Variants in ZNRF3 observed in about 807,000 individuals in gnomAD.
The protein encoded by ZNRF3 is E3 ubiquitin-protein ligase ZNRF3.
A neutral mutation model predicts 72.5 loss-of-function variants in ZNRF3; 23 were observed. That is an observed-to-expected ratio of 0.32 (90% CI 0.23 to 0.45). The LOEUF (loss-of-function observed/expected upper bound fraction) is 0.45. Among genes scored for constraint, ZNRF3 ranks in the 20% least tolerant of loss-of-function variants. The pLI, the probability that ZNRF3 is intolerant of heterozygous loss-of-function variation, is 1.00. For missense variants in ZNRF3, 1,169 were observed against 1,272.1 expected, an observed-to-expected ratio of 0.92 and a Z score of 1.23; for synonymous variants, 610 against 545.3, an observed-to-expected ratio of 1.12 and a Z score of -1.65.
chr22:28,945,385 C>T (rs1038614101), intron 1 of ZNRF3, among the ~76,000 whole-genome samples: 1 of 151,866 alleles, frequency 6.6e-6, no homozygotes, highest in Non-Finnish European at 1.5e-5. Context: ...AGCAATGTGT[C>T]ATATGATCGT....
chr22:28,933,004 A>G (rs1446178280), intron 1 of ZNRF3, among the ~76,000 whole-genome samples: 1 of 152,232 alleles, frequency 6.6e-6, no homozygotes, highest in Non-Finnish European at 1.5e-5. Context: ...AAGATTGCCA[A>G]GGTTTGTATT....
At chr22:29,023,473 A>G (rs532286966) in intron 2 of ZNRF3, among the ~76,000 whole-genome samples, 12 of 152,314 alleles carry the variant, frequency 7.9e-5, no homozygotes, top group African/African-American at 2.9e-4. Flanking sequence ...TTTGTCCCCC[A>G]GCATGAGGAC....
intron 1 of ZNRF3, among the ~76,000 whole-genome samples, chr22:28,887,346 A>G (rs1373986900): frequency 6.6e-6 from 1 of 151,712 alleles, no homozygotes; most frequent in Non-Finnish European, 1.5e-5. Context: ...GTACCTGTTC[A>G]GTCATTTCCA....
chr22:29,042,729 A>G (rs2036987687), intron 3 of ZNRF3, among the ~76,000 whole-genome samples, 160 bp downstream of exon 3: 2 of 151,970 alleles, frequency 1.3e-5, no homozygotes, highest in African/African-American at 4.8e-5. Flanking sequence ...CAAAGGAGGT[A>G]TACTGGGCGA....
intron 1 of ZNRF3, among the ~76,000 whole-genome samples, chr22:28,946,501 G>A (rs755627810): frequency 2.0e-5 from 3 of 152,212 alleles, no homozygotes; most frequent in East Asian, 1.9e-4. Flanking sequence ...TGACTTACTA[G>A]TATTTGGGAA....
intron 3 of ZNRF3, 60 bp downstream of exon 3, chr22:29,042,629 G>T: frequency 8.0e-6 from 12 of 1,493,798 alleles, no homozygotes; most frequent in South Asian, 1.1e-5. Flanking sequence ...TTCCTTTAGT[G>T]AGCTTGGCTT....
At chr22:28,941,260 C>T (rs1483842813) in intron 1 of ZNRF3, among the ~76,000 whole-genome samples, 2 of 152,068 alleles carry the variant, frequency 1.3e-5, no homozygotes, top group Admixed American at 1.3e-4. Flanking sequence ...GGCTGTAAGT[C>T]ATCTGGAGTA....
intron 2 of ZNRF3, among the ~76,000 whole-genome samples, chr22:29,039,703 TTGGGAGGCCGGAA>T (rs1425883072): frequency 2.0e-5 from 3 of 150,700 alleles, no homozygotes; most frequent in Admixed American, 1.3e-4. Flanking sequence ...TCTCAGCACT[TTGGGAGGCCGGAA>T]TGGGAGGATC....
intron 1 of ZNRF3, among the ~76,000 whole-genome samples, chr22:28,973,680 C>T (rs1422020939): frequency 6.6e-6 from 1 of 152,086 alleles, no homozygotes; most frequent in East Asian, 1.9e-4. Context: ...TTGAGAATCC[C>T]CTTCTCAGAA....
In ZNRF3 at chr22:29,049,993, C is replaced by G. The variant is rs1337048096; in HGVS notation, c.1812C>G (p.Pro604=). Residue 604 remains proline (P), a synonymous_variant, in exon 8 of 9, where the codon CCC becomes CCG. Transcript: ENST00000544604. This position sits in a 1 kb window ranked among gnomAD's most constrained non-coding sequence, Gnocchi z 5.2. The part of the protein sequence containing the change: ...YDPFIYRSRS[P]CRASEAGGSG... ...CCTTCATCTACCGCAGCCGGAGCCC[C>G]TGTCGTGCCAGTGAGGCGGGGGGCT... 4 of 1,612,276 alleles carry G rather than the reference C, an allele frequency of 2.5e-6. No individual in the cohort carries two copies. In the Middle Eastern group the frequency reaches 5.0e-4, roughly 200 times the overall value.
chr22:28,883,594 A>G lies in ZNRF3; in HGVS notation c.-173A>G. ...GGGGATAACCCCTCACGTGGAGCAGATGAAAGGGCCGCGGCGCGACGGCCG... is the reference window on the plus strand; with the variant it reads ...GGGGATAACCCCTCACGTGGAGCAGGTGAAAGGGCCGCGGCGCGACGGCCG... On this transcript the variant is annotated 5_prime_UTR_variant, in exon 1 of 9. The change abolishes an upstream ATG in the 5' untranslated region. Transcript: ENST00000544604. The surrounding 1 kb of genome is among the most constrained non-coding windows in gnomAD (Gnocchi z 5.5). The G allele has an allele frequency of 6.6e-6, 4 of 602,650 alleles. No homozygotes were observed. The highest frequency in any genetic ancestry group is 6.2e-6 in the Non-Finnish European group (3 of 480,150). The allele number at this position is 602,650 out of a possible 1,614,324, so 37.3% of individuals were successfully genotyped here.
intron 2 of ZNRF3, among the ~76,000 whole-genome samples, chr22:29,003,375 C>A: frequency 6.6e-6 from 1 of 151,974 alleles, no homozygotes; most frequent in Non-Finnish European, 1.5e-5. Flanking sequence ...AAAAAATTAG[C>A]CAGGCGTGGT....
chr22:29,006,706 A>G (rs1261182487), intron 2 of ZNRF3, among the ~76,000 whole-genome samples: 1 of 152,174 alleles, frequency 6.6e-6, no homozygotes, highest in Non-Finnish European at 1.5e-5. Context: ...TTACTAGAAT[A>G]AAGTGCACCT....
At chr22:28,972,145 C>T (rs565303616) in intron 1 of ZNRF3, among the ~76,000 whole-genome samples, 1 of 152,272 alleles carries the variant, frequency 6.6e-6, no homozygotes, top group African/African-American at 2.4e-5. Flanking sequence ...ATATAATTCA[C>T]CTATATAAAG....
intron 1 of ZNRF3, among the ~76,000 whole-genome samples, chr22:28,897,174 G>A (rs59224170): frequency 5.9e-5 from 9 of 152,172 alleles, no homozygotes; most frequent in East Asian, 1.9e-4. Flanking sequence ...CTTTCGTGGC[G>A]TCCTGTTGCT....
chr22:29,013,641 G>A (rs569587564), intron 2 of ZNRF3, among the ~76,000 whole-genome samples: 2 of 152,334 alleles, frequency 1.3e-5, no homozygotes, highest in African/African-American at 4.8e-5. Flanking sequence ...CCAAAATGGT[G>A]TTAAGAGAGG....
At chr22:28,989,009 G>A (rs897811181) in intron 2 of ZNRF3, among the ~76,000 whole-genome samples, 1 of 152,158 alleles carries the variant, frequency 6.6e-6, no homozygotes, top group South Asian at 2.1e-4. Context: ...AGTTTTGTAT[G>A]ATTTGGCCTG....
At chr22:29,017,585 GTATAC>G (rs1288858469) in intron 2 of ZNRF3, among the ~76,000 whole-genome samples, 5 of 152,026 alleles carry the variant, frequency 3.3e-5, no homozygotes, top group African/African-American at 1.2e-4. Flanking sequence ...TAGCAGACTT[GTATAC>G]TCTGATTTTG....
At position 28,968,005 on chromosome 22, in the gene ZNRF3, T is replaced by G. The variant is rs371161790; in HGVS notation, c.301-19071T>G. Among the ~76,000 whole-genome samples the G allele has an allele frequency of 1.0e-3, 152 of 152,230 alleles. 3 individuals carry two copies. In the South Asian group the frequency reaches 0.023, roughly 23 times the overall value. On this transcript the variant is annotated intron_variant, in intron 1 of 8. Coordinates refer to ENST00000544604, the MANE Select transcript of ZNRF3 (RefSeq NM_001206998.2). ...CCTCTGTTTTTGATCTGAAAACTTA[T>G]GTCTTATTTCACTTCTGGAAAGTTC...
Sources: gnomAD v4.1 joint callset for allele counts (sites outside exome capture counted in the v4.1 genomes callset) on GRCh38, gnomAD v4.1.1 for gene constraint, Gnocchi (gnomAD v3.1) non-coding constraint, MANE v1.5 for transcripts, NCBI Gene and HGNC (gene_info 2026-07-23, HGNC 2026-07-21) for gene names.